TDRD3: variants seen among roughly 807,000 people sequenced by gnomAD.
TDRD3 encodes the protein tudor domain-containing protein 3.
A neutral mutation model predicts 86.7 loss-of-function variants in TDRD3; 45 were observed. That is an observed-to-expected ratio of 0.52 (90% CI 0.41 to 0.67). The LOEUF (loss-of-function observed/expected upper bound fraction) is 0.67, where lower values mean the gene tolerates loss of function less well. TDRD3 is among the 30% of genes least tolerant of loss of function. TDRD3 has a pLI of 0.00. For missense variants in TDRD3, 814 were observed against 889.0 expected, an observed-to-expected ratio of 0.92 and a Z score of 1.07; for synonymous variants, 298 against 301.7, an observed-to-expected ratio of 0.99 and a Z score of 0.13.
chr13:60,498,382 T>C (rs1366706729), intron 8 of TDRD3, among the ~76,000 whole-genome samples: 6 of 152,090 alleles, frequency 3.9e-5, no homozygotes, highest in Admixed American at 3.9e-4. Flanking sequence ...CACTCAACCA[T>C]CAAAGGCAAG....
chr13:60,548,556 AT>A (rs1034288671), intron 12 of TDRD3, among the ~76,000 whole-genome samples: 7 of 152,242 alleles, frequency 4.6e-5, no homozygotes, highest in East Asian at 3.9e-4. Flanking sequence ...ATTATTAAAG[AT>A]TTTTTTATTT....
chr13:60,544,583 A>G (rs954142616), intron 12 of TDRD3, among the ~76,000 whole-genome samples: 1 of 152,184 alleles, frequency 6.6e-6, no homozygotes, highest in Non-Finnish European at 1.5e-5. Context: ...GTCAACATTT[A>G]TATTGCTCTT....
chr13:60,550,923 G>A (rs1352385405), intron 12 of TDRD3, among the ~76,000 whole-genome samples: 2 of 152,130 alleles, frequency 1.3e-5, no homozygotes, highest in Non-Finnish European at 2.9e-5. Flanking sequence ...ATTCATTTAA[G>A]TATAGGAGCT....
Position 60,461,728 on chromosome 13 carries a change from C to T in TDRD3, c.353+1188C>T, listed in dbSNP as rs550545358. 1.3e-4 allele frequency among the ~76,000 whole-genome samples: 20 copies of T among 152,162 alleles called. No individual in the cohort carries two copies. In the East Asian group the frequency reaches 3.7e-3, roughly 28 times the overall value. ...AGCTCATATGCTAATTAAGTAGGCACGTAGGCATACAAATATTGTAAGACA... is the reference window on the plus strand; with the variant it reads ...AGCTCATATGCTAATTAAGTAGGCATGTAGGCATACAAATATTGTAAGACA... On this transcript the variant is annotated intron_variant, in intron 4 of 13. Coordinates refer to ENST00000377881, the MANE Select transcript of TDRD3 (RefSeq NM_001146070.2).
At chr13:60,566,076 C>T (rs549529667) in intron 12 of TDRD3, among the ~76,000 whole-genome samples, 1 of 152,076 alleles carries the variant, frequency 6.6e-6, no homozygotes, top group Admixed American at 6.5e-5. Context: ...GATGATAGGC[C>T]CCTCAGGATG....
intron 1 of TDRD3, among the ~76,000 whole-genome samples, chr13:60,431,734 A>T (rs951329844): frequency 3.3e-5 from 5 of 150,446 alleles, no homozygotes; most frequent in African/African-American, 1.2e-4. Context: ...AGGTGGAACT[A>T]ATGTATATTT....
At chr13:60,519,594 A>G (rs1477138511) in intron 10 of TDRD3, among the ~76,000 whole-genome samples, 1 of 152,182 alleles carries the variant, frequency 6.6e-6, no homozygotes, top group Non-Finnish European at 1.5e-5. Context: ...CCTGAGTTTC[A>G]TGATGAAATA....
At chr13:60,520,149 A>G (rs1296667241) in intron 10 of TDRD3, among the ~76,000 whole-genome samples, 1 of 152,168 alleles carries the variant, frequency 6.6e-6, no homozygotes, top group African/African-American at 2.4e-5. Context: ...TCAATTTAAT[A>G]TGTGTTGTAT....
intron 1 of TDRD3, among the ~76,000 whole-genome samples, chr13:60,425,894 A>T (rs1002108732): frequency 2.0e-5 from 3 of 152,188 alleles, no homozygotes; most frequent in Admixed American, 2.0e-4. Context: ...TATTGTAGGA[A>T]TATAGTACAT....
intron 12 of TDRD3, among the ~76,000 whole-genome samples, chr13:60,541,127 G>A (rs1261043240): frequency 1.3e-5 from 2 of 150,936 alleles, no homozygotes; most frequent in Non-Finnish European, 3.0e-5. Context: ...AAAATCTACA[G>A]CATTCTTTTT....
chr13:60,450,101 A>G (rs575834213), intron 3 of TDRD3, among the ~76,000 whole-genome samples: 1 of 152,288 alleles, frequency 6.6e-6, no homozygotes, highest in South Asian at 2.1e-4. Context: ...CAACACAGAA[A>G]ATATAAACTA....
chr13:60,491,081 T>G (rs1339032060), intron 7 of TDRD3, among the ~76,000 whole-genome samples: 1 of 139,882 alleles, frequency 7.1e-6, no homozygotes, highest in Non-Finnish European at 1.5e-5. Flanking sequence ...GCTATTGCAC[T>G]CCAGCCTGGG....
intron 8 of TDRD3, among the ~76,000 whole-genome samples, chr13:60,498,486 G>A (rs1956764801): frequency 7.6e-6 from 1 of 130,928 alleles, no homozygotes. Context: ...AATTAATCAT[G>A]GTGTTCCTAG....
rs371870244 is a variant in TDRD3, at chr13:60,530,534, A to G, written c.1992+1317A>G. Among the ~76,000 whole-genome samples, 10 of 152,072 alleles carry G rather than the reference A, an allele frequency of 6.6e-5. No homozygotes were observed. The East Asian group carries it at 1.4e-3, about 21-fold the overall frequency. ...CAGCTCACTGTAACCTCCACCTCCC[A>G]GGTTCAAGCAATTCTCCTGCCTCAG... On this transcript the variant is annotated intron_variant, in intron 11 of 13. Coordinates refer to ENST00000377881, the MANE Select transcript of TDRD3 (RefSeq NM_001146070.2).
chr13:60,415,009 A>C (rs572195340), intron 1 of TDRD3, among the ~76,000 whole-genome samples: 7 of 152,092 alleles, frequency 4.6e-5, no homozygotes, highest in Admixed American at 2.0e-4. Context: ...ATATAGGAGG[A>C]GTTTGTTCTT....
At chr13:60,456,155 A>T (rs569464097) in intron 3 of TDRD3, among the ~76,000 whole-genome samples, 1 of 152,146 alleles carries the variant, frequency 6.6e-6, no homozygotes, top group East Asian at 1.9e-4. Context: ...AGAAAAAAAA[A>T]TTGTTTTAAG....
At chr13:60,540,792 G>A (rs1236176435) in intron 12 of TDRD3, among the ~76,000 whole-genome samples, 1 of 151,902 alleles carries the variant, frequency 6.6e-6, no homozygotes, top group Non-Finnish European at 1.5e-5. Context: ...ATATTTAAAA[G>A]GTTTCTGGGT....
Position 60,529,103 on chromosome 13 carries a change from A to G in TDRD3, c.1878A>G (p.Arg626=), listed in dbSNP as rs1355707963. 1 of 1,614,042 alleles carries G rather than the reference A, an allele frequency of 6.2e-7. No homozygotes were observed. ...DKIFYNSGPK[R]RSGPIKPEKI... is the part of the protein sequence containing the mutation. Reference sequence around the variant, plus strand: ...TATTTTACAATAGTGGGCCCAAACGAAGATCTGGGCCAATTAAGCCAGAAA... The same window carrying G: ...TATTTTACAATAGTGGGCCCAAACGGAGATCTGGGCCAATTAAGCCAGAAA... The change falls in exon 11 of 14, where the codon CGA becomes CGG. Residue 626 remains arginine (R), a synonymous_variant. Transcript: ENST00000377881.
In TDRD3 at chr13:60,528,654, T is replaced by C; in HGVS notation, c.1429T>C (p.Tyr477His). 6.2e-7 allele frequency: 1 copy of C among 1,613,954 alleles called. No individual in the cohort carries two copies. The highest frequency in any genetic ancestry group is 8.5e-7 in the Non-Finnish European group (1 of 1,179,902). Residue 477 changes from tyrosine (Y) to histidine (H), a missense_variant, in exon 11 of 14, where the codon TAT becomes CAT. Physicochemically the swap from Tyr to His is moderately conservative, Grantham distance 83 (BLOSUM62 2). Coordinates refer to ENST00000377881, the MANE Select transcript of TDRD3 (RefSeq NM_001146070.2). ...RIKCDRPYSRYDRTKDTSYPL... is the reference protein window; with the variant it reads ...RIKCDRPYSRHDRTKDTSYPL... ...CAAATGTGATAGACCGTATTCTAGA[T>C]ATGACAGAACTAAAGATACTTCATA...
Sources: gnomAD v4.1 joint callset for allele counts (sites outside exome capture counted in the v4.1 genomes callset) on GRCh38, gnomAD v4.1.1 for gene constraint, MANE v1.5 for transcripts, NCBI Gene and HGNC (gene_info 2026-07-23, HGNC 2026-07-21) for gene names.